The following TNPO1 variants were observed in gnomAD, a reference collection of about 807,000 sequenced individuals.
TNPO1 encodes transportin-1.
TNPO1 carries 8 observed loss-of-function variants against 119.5 expected under a neutral mutation model. The observed-to-expected ratio is 0.07, with a 90% CI of 0.04 to 0.12. The LOEUF (loss-of-function observed/expected upper bound fraction) is 0.12, where lower values mean the gene tolerates loss of function less well. Among genes scored for constraint, TNPO1 ranks in the 10% least tolerant of loss-of-function variants. TNPO1 has a pLI of 1.00. For missense variants in TNPO1, 576 were observed against 1,089.8 expected, an observed-to-expected ratio of 0.53 and a Z score of 6.64; for synonymous variants, 362 against 363.0, an observed-to-expected ratio of 1.00 and a Z score of 0.03.
intron 1 of TNPO1, among the ~76,000 whole-genome samples, chr5:72,840,437 G>T (rs1744857585): frequency 1.3e-5 from 2 of 152,046 alleles, no homozygotes; most frequent in Non-Finnish European, 2.9e-5. Context: ...ATGATAACAG[G>T]GTTGCTGTTA....
chr5:72,902,818 A>G (rs1026201122), intron 22 of TNPO1, among the ~76,000 whole-genome samples: 1 of 152,154 alleles, frequency 6.6e-6, no homozygotes, highest in African/African-American at 2.4e-5. Context: ...AATTCTGGGT[A>G]TCTGTGCATT....
At chr5:72,848,206 C>A in intron 1 of TNPO1, 179 bp from the exon 2 acceptor site, 5 of 1,241,688 alleles carry the variant, frequency 4.0e-6, no homozygotes, top group South Asian at 2.5e-5. Context: ...GGAGCAGTTC[C>A]GCCGGGTTTC....
chr5:72,832,637 C>T (rs1744524824), intron 1 of TNPO1, among the ~76,000 whole-genome samples: 1 of 152,158 alleles, frequency 6.6e-6, no homozygotes, highest in South Asian at 2.1e-4. Flanking sequence ...TAAATTGCCA[C>T]TGTCCCTACA....
rs531665045 is a variant in TNPO1 at position 72,822,073 on chromosome 5, G to A, written c.15+5321G>A. Among the ~76,000 whole-genome samples the A allele has an allele frequency of 2.9e-3, 439 of 152,252 alleles. 2 individuals carry two copies. Among genetic ancestry groups the A allele is most frequent in the African/African-American group, 0.01 (417 of 41,540 alleles). On this transcript the variant is annotated intron_variant, in intron 1 of 24. Transcript: ENST00000337273. ...AGTAGAGAGGGATGTTGAAGAGAGA[G>A]AACCTACTGAGCCTTATGTCACCCT...
At chr5:72,886,750 G>A (rs571602844) in intron 11 of TNPO1, among the ~76,000 whole-genome samples, 4 of 151,874 alleles carry the variant, frequency 2.6e-5, no homozygotes, top group Admixed American at 6.6e-5. Context: ...TCAGCTGTGC[G>A]TACTGGCACA....
chr5:72,867,378 CTT>C (rs759018808), intron 6 of TNPO1, among the ~76,000 whole-genome samples: 6 of 114,934 alleles, frequency 5.2e-5, no homozygotes, highest in Non-Finnish European at 1.2e-4. Context: ...ACTATGTACT[CTT>C]AAGCGTTCTC....
chr5:72,822,475 C>T (rs144840409), intron 1 of TNPO1, among the ~76,000 whole-genome samples: 3 of 151,792 alleles, frequency 2.0e-5, no homozygotes, highest in Non-Finnish European at 2.9e-5. Context: ...TAGAGAAACA[C>T]GTGAGTATAT....
At chr5:72,875,401 C>A in intron 7 of TNPO1, among the ~76,000 whole-genome samples, 1 of 152,158 alleles carries the variant, frequency 6.6e-6, no homozygotes, top group East Asian at 1.9e-4. Flanking sequence ...GCTGATTGTA[C>A]TCTATCAGAA....
At chr5:72,869,830 T>C (rs1702551179) in intron 6 of TNPO1, among the ~76,000 whole-genome samples, 1 of 152,334 alleles carries the variant, frequency 6.6e-6, no homozygotes, top group Non-Finnish European at 1.5e-5. Flanking sequence ...CAAATTGATA[T>C]TGATTATGAA....
chr5:72,903,568 C>T, intron 22 of TNPO1, 141 bp from the exon 23 acceptor site: 2 of 602,330 alleles, frequency 3.3e-6, no homozygotes, highest in East Asian at 2.9e-5. Flanking sequence ...CTTCTAATTC[C>T]TTATGATCAT....
intron 4 of TNPO1, among the ~76,000 whole-genome samples, chr5:72,856,913 G>C (rs1746043024): frequency 6.6e-6 from 1 of 152,202 alleles, no homozygotes; most frequent in South Asian, 2.1e-4. Flanking sequence ...CTAATGGGCA[G>C]CCTTTAGTAT....
At chr5:72,882,238 C>G (rs1029086842) in intron 9 of TNPO1, among the ~76,000 whole-genome samples, 2 of 152,218 alleles carry the variant, frequency 1.3e-5, no homozygotes, top group African/African-American at 4.8e-5. Context: ...GAAAGTTTGG[C>G]TGGCCCACAT....
At position 72,816,696 on chromosome 5, in the gene TNPO1, G is replaced by GT; in HGVS notation, c.-41dup. 6.4e-7 allele frequency: 1 copy of GT among 1,553,106 alleles called. No homozygotes were observed. The highest frequency in any genetic ancestry group is 8.7e-7 in the Non-Finnish European group (1 of 1,151,548). ...CATTTCAGGCCCCGGACAGGAGGCAGTGCCGCTTCGGCCGAAGGCCCGAGC... is the reference window on the plus strand; with the variant it reads ...CATTTCAGGCCCCGGACAGGAGGCAGTTGCCGCTTCGGCCGAAGGCCCGAGC... On this transcript the variant is annotated 5_prime_UTR_variant, in exon 1 of 25. Transcript: ENST00000337273.
intron 6 of TNPO1, chr5:72,871,699 C>T (rs996082893): frequency 4.6e-5 from 7 of 152,308 alleles, no homozygotes; most frequent in Admixed American, 1.3e-4. Context: ...TAAGACAGAA[C>T]AGCAAGTGAG....
rs1052335901 is a variant in TNPO1 at position 72,828,947 on chromosome 5, T to C, written c.15+12195T>C. ...AAGAGCAAGAAAAGTAAAGATACTT[T>C]ATATGTAAATTTATCAGACTTTGGC... On this transcript the variant is annotated intron_variant, in intron 1 of 24. Coordinates refer to ENST00000337273, the MANE Select transcript of TNPO1 (RefSeq NM_002270.4). Among the ~76,000 whole-genome samples the C allele has an allele frequency of 8.5e-5, 13 of 152,336 alleles. No homozygotes were observed. The East Asian group carries it at 1.2e-3, about 14-fold the overall frequency.
intron 10 of TNPO1, 90 bp downstream of exon 10, chr5:72,882,617 A>G (rs1748326723): frequency 2.4e-6 from 2 of 846,264 alleles, no homozygotes; most frequent in African/African-American, 3.4e-5. Flanking sequence ...TTCATTGAGA[A>G]TAGATCTCCT....
chr5:72,856,008 T>G, intron 4 of TNPO1, 85 bp downstream of exon 4: 1 of 1,426,788 alleles, frequency 7.0e-7, no homozygotes, highest in Non-Finnish European at 9.8e-7. Flanking sequence ...TAGGAATTTT[T>G]GTCTGTTTCA....
intron 1 of TNPO1, among the ~76,000 whole-genome samples, chr5:72,845,216 G>A (rs1745080143): frequency 6.6e-6 from 1 of 151,852 alleles, no homozygotes; most frequent in Non-Finnish European, 1.5e-5. Flanking sequence ...TTAGAAAGCT[G>A]AGCCTTCAAC....
At chr5:72,882,376 A>G in intron 9 of TNPO1, 91 bp from the exon 10 acceptor site, 1 of 889,566 alleles carries the variant, frequency 1.1e-6, no homozygotes, top group Non-Finnish European at 1.7e-6. Context: ...TGATTATCTC[A>G]TTGGTTTTAT....
Sources: allele counts gnomAD v4.1 joint callset (sites outside exome capture counted in the v4.1 genomes callset), GRCh38; gene constraint gnomAD v4.1.1; transcripts MANE v1.5; gene names NCBI Gene and HGNC (gene_info 2026-07-23, HGNC 2026-07-21).